Variants in USP17L7 observed in about 807,000 individuals in gnomAD.
The protein encoded by USP17L7 is inactive ubiquitin carboxyl-terminal hydrolase 17-like protein 7.
A neutral mutation model predicts 37.6 loss-of-function variants in USP17L7; 53 were observed. The ratio of observed to expected loss-of-function variants is 1.41; its 90% CI spans 1.13 to 1.77. The LOEUF (loss-of-function observed/expected upper bound fraction) is 1.77, where lower values mean the gene tolerates loss of function less well. USP17L7 is among the 40% of genes most tolerant of loss of function. The pLI is 0.00. For missense variants in USP17L7, 914 were observed against 645.0 expected (o/e 1.42, Z -4.52); for synonymous variants, 330 against 251.0 (o/e 1.31, Z -2.98).
In USP17L7 at chr8:12,133,363, G is replaced by A. The variant is rs754290457; in HGVS notation, c.647C>T (p.Thr216Ile). The A allele has an allele frequency of 6.8e-6, 10 of 1,477,756 alleles. No homozygotes were observed. In the African/African-American group the frequency reaches 1.3e-4, roughly 19 times the overall value. The allele number at this position is 1,477,756 out of a possible 1,614,324, so 91.5% of individuals were successfully genotyped here. A position where few individuals can be genotyped will look rare whatever the true frequency, so the allele number is the denominator to read the frequency against. ...KYLHCHGVSDTFDPYLDIALD... is the reference protein window; with the variant it reads ...KYLHCHGVSDIFDPYLDIALD... ...GGCGATGTCCAGGTAAGGGTCAAAG[G>A]TGTCTGAAACGCCGTGGCAGTGGAG... The change falls in exon 1 of 1, where the codon ACC (threonine) becomes ATC (isoleucine). Residue 216 changes from threonine (T) to isoleucine (I), a missense_variant. Transcript: ENST00000530447.
Position 12,133,830 on chromosome 8 carries a change from T to C in USP17L7, c.180A>G (p.Arg60=). ...GAAGCTTCTCCCTGGGAGCAAGCTG[T>C]CTTGCCACAGGAGCCAAATCATCAC... ...DLCDDLAPVA[R]QLAPREKLPL... is the part of the protein sequence containing the mutation. Residue 60 remains arginine (R), a synonymous_variant, in exon 1 of 1, where the codon AGA becomes AGG. Transcript: ENST00000530447. 6.5e-7 allele frequency: 1 copy of C among 1,530,124 alleles called. No homozygotes were observed. The highest frequency in any genetic ancestry group is 8.9e-7 in the Non-Finnish European group (1 of 1,127,714). 94.8% of individuals were successfully genotyped at this position (1,530,124 alleles called of 1,614,324 possible). A position where few individuals can be genotyped will look rare whatever the true frequency, so the allele number is the denominator to read the frequency against.
In USP17L7 at chr8:12,134,097, A is replaced by G. The variant is rs536743588; in HGVS notation, c.-88T>C. The G allele has an allele frequency of 5.3e-5, 42 of 787,956 alleles. 7 individuals carry two copies. In the East Asian group the frequency reaches 1.1e-3, roughly 22 times the overall value. The allele number at this position is 787,956 out of a possible 1,614,324, so 48.8% of individuals were successfully genotyped here. A position where few individuals can be genotyped will look rare whatever the true frequency, so the allele number is the denominator to read the frequency against. Reference sequence around the variant, plus strand: ...TCTCTTCCGAGAGAGTCTTCAAATGACCAGCTCTCTGGCCGCATCAGCCCT... The same window carrying G: ...TCTCTTCCGAGAGAGTCTTCAAATGGCCAGCTCTCTGGCCGCATCAGCCCT... On this transcript the variant is annotated 5_prime_UTR_variant, in exon 1 of 1. Coordinates refer to ENST00000530447, the MANE Select transcript of USP17L7 (RefSeq NM_001256869.2).
At position 12,132,972 on chromosome 8, in the gene USP17L7, C is replaced by G; in HGVS notation, c.1038G>C (p.Trp346Cys). ...TGACCTCGGCATCATCCATTTTATACCACTGGCCTTCTTGAGCTTTGACAT... is the reference window on the plus strand; with the variant it reads ...TGACCTCGGCATCATCCATTTTATAGCACTGGCCTTCTTGAGCTTTGACAT... The part of the protein sequence containing the change: ...FSYVKAQEGQ[W>C]YKMDDAEVTA... Residue 346 changes from tryptophan (W) to cysteine (C), a missense_variant, in exon 1 of 1, where the codon TGG (tryptophan) becomes TGC (cysteine). By Grantham distance (215) the Trp-to-Cys change is radical. Coordinates refer to ENST00000530447, the MANE Select transcript of USP17L7 (RefSeq NM_001256869.2). 1 of 1,531,652 alleles carries G rather than the reference C, an allele frequency of 6.5e-7. No individual in the cohort carries two copies. The highest frequency in any genetic ancestry group is 1.9e-4 in the Middle Eastern group (1 of 5,246). 94.9% of individuals were successfully genotyped at this position (1,531,652 alleles called of 1,614,324 possible). A position where few individuals can be genotyped will look rare whatever the true frequency, so the allele number is the denominator to read the frequency against.
Position 12,133,251 on chromosome 8 carries a change from A to G in USP17L7, c.759T>C (p.His253=). The G allele has an allele frequency of 6.6e-7, 1 of 1,511,326 alleles. No individual in the cohort carries two copies. Among genetic ancestry groups the G allele is most frequent in the South Asian group, 1.2e-5 (1 of 80,694 alleles). 93.6% of individuals were successfully genotyped at this position (1,511,326 alleles called of 1,614,324 possible). ...PKELNGENAY[H]CGLCLQKAPA... ...GCGCCTTCTGGAGACAAAGACCACA[A>G]TGATAGGCATTCTCTCCATTGAGTT... Residue 253 remains histidine (H), a synonymous_variant, in exon 1 of 1, where the codon CAT becomes CAC. Coordinates refer to ENST00000530447, the MANE Select transcript of USP17L7 (RefSeq NM_001256869.2).
chr8:12,133,265 C>T lies in USP17L7; in HGVS notation c.745G>A (p.Glu249Lys), dbSNP rs190855865. The T allele has an allele frequency of 5.9e-4, 902 of 1,516,454 alleles. 80 individuals carry two copies. Among genetic ancestry groups the T allele is most frequent in the Non-Finnish European group, 7.4e-4 (830 of 1,118,918 alleles). 93.9% of individuals were successfully genotyped at this position (1,516,454 alleles called of 1,614,324 possible). ...CAAAGACCACAATGATAGGCATTCT[C>T]TCCATTGAGTTCTTTGGGCTTCACC... The part of the protein sequence containing the change: ...QLVKPKELNG[E>K]NAYHCGLCLQ... The change falls in exon 1 of 1, where the codon GAG becomes AAG. Residue 249 changes from glutamate to lysine, a missense_variant. Coordinates refer to ENST00000530447, the MANE Select transcript of USP17L7 (RefSeq NM_001256869.2).
rs1585158941 is a variant in USP17L7, at chr8:12,133,059, A to G, written c.951T>C (p.Tyr317=). ...CGTGGACCAGCACAGCATAGAGGAC[A>G]TAGACAAGAGGTCCTGTGTTCTGCT... is the stretch of plus-strand genomic sequence containing the variant. ...MSQQNTGPLV[Y]VLYAVLVHAG... The change falls in exon 1 of 1, where the codon TAT becomes TAC. Residue 317 remains tyrosine (Y), a synonymous_variant. Transcript: ENST00000530447. 1.3e-6 allele frequency: 2 copies of G among 1,509,818 alleles called. No homozygotes were observed. Among genetic ancestry groups the G allele is most frequent in the Non-Finnish European group, 1.8e-6 (2 of 1,108,882 alleles). 93.5% of individuals were successfully genotyped at this position (1,509,818 alleles called of 1,614,324 possible).
chr8:12,132,531 T>G lies in USP17L7; in HGVS notation c.1479A>C (p.Lys493Asn), dbSNP rs762964876. The G allele has an allele frequency of 1.1e-5, 17 of 1,511,000 alleles. 4 individuals carry two copies. The highest frequency in any genetic ancestry group is 2.5e-5 in the South Asian group (2 of 80,470). 93.6% of individuals were successfully genotyped at this position (1,511,000 alleles called of 1,614,324 possible). The change falls in exon 1 of 1, where the codon AAA becomes AAC. Residue 493 changes from lysine to asparagine, a missense_variant. By Grantham distance (94) the Lys-to-Asn change is moderately conservative. Coordinates refer to ENST00000530447, the MANE Select transcript of USP17L7 (RefSeq NM_001256869.2). ...TGTTCATGGACTCCTGATCTGTCGG[T>G]TTCGTCGAAGAGAGGTTTAGCAGGG... ...QSSLLNLSST[K>N]PTDQESMNTG...
At position 12,132,486 on chromosome 8, in the gene USP17L7, C is replaced by A. The variant is rs1217476749; in HGVS notation, c.1524G>T (p.Leu508=). ...ESMNTGTLAS[L]QGSTRRSKGN... is the part of the protein sequence containing the mutation. The stretch of plus-strand genomic sequence containing the variant: ...CTTTGGATCTCCTGGTGCTCCCTTG[C>A]AGAGAAGCGAGTGTGCCAGTGTTCA... The change falls in exon 1 of 1, where the codon CTG becomes CTT. Residue 508 remains leucine (L), a synonymous_variant. Coordinates refer to ENST00000530447, the MANE Select transcript of USP17L7 (RefSeq NM_001256869.2). The A allele has an allele frequency of 3.4e-6, 5 of 1,462,174 alleles. 2 individuals carry two copies. The South Asian group carries it at 5.1e-5, about 15-fold the overall frequency. The allele number at this position is 1,462,174 out of a possible 1,614,324, so 90.6% of individuals were successfully genotyped here. A position where few individuals can be genotyped will look rare whatever the true frequency, so the allele number is the denominator to read the frequency against.
Position 12,133,377 on chromosome 8 carries a change from G to C in USP17L7, c.633C>G (p.His211Gln), listed in dbSNP as rs745766893. ...AAGGGTCAAAGGTGTCTGAAACGCCGTGGCAGTGGAGATACTTGATTTGAG... is the reference window on the plus strand; with the variant it reads ...AAGGGTCAAAGGTGTCTGAAACGCCCTGGCAGTGGAGATACTTGATTTGAG... The part of the protein sequence containing the change: ...WRSQIKYLHC[H>Q]GVSDTFDPYL... The change falls in exon 1 of 1, where the codon CAC becomes CAG. Residue 211 changes from histidine to glutamine, a missense_variant. Coordinates refer to ENST00000530447, the MANE Select transcript of USP17L7 (RefSeq NM_001256869.2). 1.4e-6 allele frequency: 2 copies of C among 1,464,168 alleles called. No homozygotes were observed. The highest frequency in any genetic ancestry group is 1.9e-6 in the Non-Finnish European group (2 of 1,075,646). 90.7% of individuals were successfully genotyped at this position (1,464,168 alleles called of 1,614,324 possible). A position where few individuals can be genotyped will look rare whatever the true frequency, so the allele number is the denominator to read the frequency against.
At position 12,133,387 on chromosome 8, in the gene USP17L7, A is replaced by T; in HGVS notation, c.623T>A (p.Leu208His). Residue 208 changes from leucine (L) to histidine (H), a missense_variant, in exon 1 of 1, where the codon CTC becomes CAC. By Grantham distance (99) the Leu-to-His change is moderately conservative (BLOSUM62 -3). Coordinates refer to ENST00000530447, the MANE Select transcript of USP17L7 (RefSeq NM_001256869.2). ...GGTGTCTGAAACGCCGTGGCAGTGG[A>T]GATACTTGATTTGAGATCTCCAATA... ...GAYWRSQIKY[L>H]HCHGVSDTFD... 2.1e-6 allele frequency: 3 copies of T among 1,461,676 alleles called. No individual in the cohort carries two copies. The highest frequency in any genetic ancestry group is 2.8e-6 in the Non-Finnish European group (3 of 1,073,384). 90.5% of individuals were successfully genotyped at this position (1,461,676 alleles called of 1,614,324 possible).
At position 12,133,922 on chromosome 8, in the gene USP17L7, C is replaced by G. The variant is rs769846564; in HGVS notation, c.88G>C (p.Ala30Pro). 4.0e-5 allele frequency: 58 copies of G among 1,435,106 alleles called. 1 individual carries two copies. Among genetic ancestry groups the G allele is most frequent in the Middle Eastern group, 2.5e-4 (1 of 3,950 alleles). 88.9% of individuals were successfully genotyped at this position (1,435,106 alleles called of 1,614,324 possible). A position where few individuals can be genotyped will look rare whatever the true frequency, so the allele number is the denominator to read the frequency against. The change falls in exon 1 of 1, where the codon GCT becomes CCT. Residue 30 changes from alanine (A) to proline (P), a missense_variant. Transcript: ENST00000530447. ...GAGAGAGAAGTCCGCTGGATTTCAG[C>G]AAAAGCTGCATCTAGCCGAGAAGAT... ...LTSSRLDAAF[A>P]EIQRTSLSEK...
Position 12,133,774 on chromosome 8 carries a change from C to G in USP17L7, c.236G>C (p.Gly79Ala). ...PLSSRRPAAV[G>A]AGLQKIGNTF... ...ATTTCCTATCTTCTGGAGCCCAGCC[C>G]CCACCGCAGCAGGTCTCCTGCTACT... The change falls in exon 1 of 1, where the codon GGG becomes GCG. Residue 79 changes from glycine (G) to alanine (A), a missense_variant. By Grantham distance (60) the Gly-to-Ala change is moderately conservative. Transcript: ENST00000530447. 5 of 1,488,120 alleles carry G rather than the reference C, an allele frequency of 3.4e-6. No homozygotes were observed. The highest frequency in any genetic ancestry group is 3.7e-6 in the Non-Finnish European group (4 of 1,090,106). The allele number at this position is 1,488,120 out of a possible 1,614,324, so 92.2% of individuals were successfully genotyped here.
Position 12,132,767 on chromosome 8 carries a change from G to C in USP17L7, c.1243C>G (p.Leu415Val). The change falls in exon 1 of 1, where the codon CTC (leucine) becomes GTC (valine). Residue 415 changes from leucine to valine, a missense_variant. By Grantham distance (32) the Leu-to-Val change is conservative. Coordinates refer to ENST00000530447, the MANE Select transcript of USP17L7 (RefSeq NM_001256869.2). The part of the protein sequence containing the change: ...QGELKRDHPC[L>V]QVPELDEHLV... ...TGCTCGTCCAACTCGGGTACCTGGAGGCAAGGGTGGTCTCTCTTGAGCTCT... is the reference window on the plus strand; with the variant it reads ...TGCTCGTCCAACTCGGGTACCTGGACGCAAGGGTGGTCTCTCTTGAGCTCT... 1 of 1,523,706 alleles carries C rather than the reference G, an allele frequency of 6.6e-7. No individual in the cohort carries two copies. The highest frequency in any genetic ancestry group is 8.9e-7 in the Non-Finnish European group (1 of 1,120,000). 94.4% of individuals were successfully genotyped at this position (1,523,706 alleles called of 1,614,324 possible). A position where few individuals can be genotyped will look rare whatever the true frequency, so the allele number is the denominator to read the frequency against.
rs771551085 is a variant in USP17L7 at position 12,133,758 on chromosome 8, C to G, written c.252G>C (p.Lys84Asn). ...RPAAVGAGLQ[K>N]IGNTFYVNVS... The stretch of plus-strand genomic sequence containing the variant: ...CGTTCACATAGAAGGTATTTCCTAT[C>G]TTCTGGAGCCCAGCCCCCACCGCAG... Residue 84 changes from lysine (K) to asparagine (N), a missense_variant, in exon 1 of 1, where the codon AAG (lysine) becomes AAC (asparagine). By Grantham distance (94) the Lys-to-Asn change is moderately conservative. Coordinates refer to ENST00000530447, the MANE Select transcript of USP17L7 (RefSeq NM_001256869.2). 3 of 1,457,118 alleles carry G rather than the reference C, an allele frequency of 2.1e-6. No individual in the cohort carries two copies. Among genetic ancestry groups the G allele is most frequent in the East Asian group, 5.2e-5 (2 of 38,202 alleles). The allele number at this position is 1,457,118 out of a possible 1,614,324, so 90.3% of individuals were successfully genotyped here.
Position 12,132,955 on chromosome 8 carries a change from G to A in USP17L7, c.1055C>T (p.Ala352Val), listed in dbSNP as rs1188625804. Reference protein sequence around the residue: ...QEGQWYKMDDAEVTASGITSV... With the variant: ...QEGQWYKMDDVEVTASGITSV... ...GGTGATGCCAGAGGCAGTGACCTCG[G>A]CATCATCCATTTTATACCACTGGCC... is the stretch of plus-strand genomic sequence containing the variant. The change falls in exon 1 of 1, where the codon GCC (alanine) becomes GTC (valine). Residue 352 changes from alanine to valine, a missense_variant. Ala to Val is a moderately conservative substitution (Grantham distance 64). Coordinates refer to ENST00000530447, the MANE Select transcript of USP17L7 (RefSeq NM_001256869.2). 6 of 1,530,338 alleles carry A rather than the reference G, an allele frequency of 3.9e-6. 1 individual carries two copies. The highest frequency in any genetic ancestry group is 2.5e-5 in the South Asian group (2 of 80,998). 94.8% of individuals were successfully genotyped at this position (1,530,338 alleles called of 1,614,324 possible).
rs1404760610 is a variant in USP17L7, at chr8:12,133,252, T to C, written c.758A>G (p.His253Arg). 1.3e-6 allele frequency: 2 copies of C among 1,511,100 alleles called. No homozygotes were observed. The highest frequency in any genetic ancestry group is 1.7e-5 in the Admixed American group (1 of 57,302). The allele number at this position is 1,511,100 out of a possible 1,614,324, so 93.6% of individuals were successfully genotyped here. A position where few individuals can be genotyped will look rare whatever the true frequency, so the allele number is the denominator to read the frequency against. Residue 253 changes from histidine to arginine, a missense_variant, in exon 1 of 1, where the codon CAT becomes CGT. Coordinates refer to ENST00000530447, the MANE Select transcript of USP17L7 (RefSeq NM_001256869.2). ...PKELNGENAY[H>R]CGLCLQKAPA... is the part of the protein sequence containing the mutation. Reference sequence around the variant, plus strand: ...CGCCTTCTGGAGACAAAGACCACAATGATAGGCATTCTCTCCATTGAGTTC... The same window carrying C: ...CGCCTTCTGGAGACAAAGACCACAACGATAGGCATTCTCTCCATTGAGTTC...
Position 12,133,657 on chromosome 8 carries a change from T to C in USP17L7, c.353A>G (p.His118Arg). 3.3e-6 allele frequency: 4 copies of C among 1,229,566 alleles called. 1 individual carries two copies. The highest frequency in any genetic ancestry group is 2.3e-6 in the Non-Finnish European group (2 of 854,990). 76.2% of individuals were successfully genotyped at this position (1,229,566 alleles called of 1,614,324 possible). Residue 118 changes from histidine (H) to arginine (R), a missense_variant, in exon 1 of 1, where the codon CAT becomes CGT. Physicochemically the swap from His to Arg is conservative, Grantham distance 29. Transcript: ENST00000530447. ...ACAGAACATGCAGCACTTGTGAAGA[T>C]GACACGTTTGAGAGTCCTCCCGGGA... ...MLSREDSQTCHLHKCCMFCTM... is the reference protein window; with the variant it reads ...MLSREDSQTCRLHKCCMFCTM...
chr8:12,133,545 T>A lies in USP17L7; in HGVS notation c.465A>T (p.Arg155Ser). The A allele has an allele frequency of 7.0e-7, 1 of 1,435,044 alleles. No individual in the cohort carries two copies. Among genetic ancestry groups the A allele is most frequent in the Non-Finnish European group, 9.6e-7 (1 of 1,043,424 alleles). 88.9% of individuals were successfully genotyped at this position (1,435,044 alleles called of 1,614,324 possible). A position where few individuals can be genotyped will look rare whatever the true frequency, so the allele number is the denominator to read the frequency against. The change falls in exon 1 of 1, where the codon AGA becomes AGT. Residue 155 changes from arginine (R) to serine (S), a missense_variant. Physicochemically the swap from Arg to Ser is moderately radical, Grantham distance 110. Transcript: ENST00000530447. ...ATTCATGGGCATCCTCCTGCTCACC[T>A]CTATGGAAGCCAGCAGCCAATACCT... ...PSQVLAAGFH[R>S]GEQEDAHEFL... is the part of the protein sequence containing the mutation.
Position 12,133,492 on chromosome 8 carries a change from T to C in USP17L7, c.518A>G (p.Lys173Arg), listed in dbSNP as rs751966997. Residue 173 changes from lysine to arginine, a missense_variant, in exon 1 of 1, where the codon AAA (lysine) becomes AGA (arginine). Coordinates refer to ENST00000530447, the MANE Select transcript of USP17L7 (RefSeq NM_001256869.2). ...EFLMFTVDAM[K>R]KACLPGHKQL... ...CTTGTGCCCGGGAAGGCATGCCTTT[T>C]TCATGGCATCCACAGTAAACATGAG... 21 of 1,475,494 alleles carry C rather than the reference T, an allele frequency of 1.4e-5. No homozygotes were observed. Among genetic ancestry groups the C allele is most frequent in the Admixed American group, 3.5e-5 (2 of 57,186 alleles). 91.4% of individuals were successfully genotyped at this position (1,475,494 alleles called of 1,614,324 possible). A position where few individuals can be genotyped will look rare whatever the true frequency, so the allele number is the denominator to read the frequency against.
Sources: gnomAD v4.1 joint callset for allele counts on GRCh38, gnomAD v4.1.1 for gene constraint, MANE v1.5 for transcripts, NCBI Gene and HGNC (gene_info 2026-07-23, HGNC 2026-07-21) for gene names.